GPR17: variants seen among roughly 807,000 people sequenced by gnomAD.
GPR17 encodes G protein-coupled receptor 17.
A neutral mutation model predicts 1.5 loss-of-function variants in GPR17; 4 were observed. The observed-to-expected ratio is 2.73, with a 90% CI of 1.35 to 6.25. The LOEUF is 6.25. Among genes scored for constraint, GPR17 ranks in the 30% most tolerant of loss-of-function variants. GPR17 has a pLI of 0.00. For synonymous variants in GPR17, 209 were observed against 207.6 expected (o/e 1.01, Z -0.06); for missense variants, 463 against 462.1 (o/e 1.00, Z -0.02).
chr2:127,650,363 A>G, intron 1 of GPR17: 1 of 536,012 alleles, frequency 1.9e-6, no homozygotes, highest in Admixed American at 3.5e-5. Flanking sequence ...GAGGCAGAAC[A>G]GAAAACCCAG....
rs2105242946 is a variant in GPR17, at chr2:127,647,767, C to T, written c.-21+1523C>T. 6.6e-6 allele frequency among the ~76,000 whole-genome samples: 1 copy of T among 152,220 alleles called. No individual in the cohort carries two copies. Among genetic ancestry groups the T allele is most frequent in the Admixed American group, 6.5e-5 (1 of 15,298 alleles). Reference sequence around the variant, plus strand: ...CATCTACCATGGGCTGTCCTCTCTGCTTGCCCATGCGTCTGCCCTGGAGCC... The same window carrying T: ...CATCTACCATGGGCTGTCCTCTCTGTTTGCCCATGCGTCTGCCCTGGAGCC... On this transcript the variant is annotated intron_variant, in intron 1 of 1. Coordinates refer to ENST00000486700, the MANE Select transcript of GPR17 (RefSeq NM_001161417.2). This position sits in a 1 kb window ranked among gnomAD's most constrained non-coding sequence, Gnocchi z 4.3.
rs1683860648 is a variant in GPR17, at chr2:127,652,048, G to C, written c.*293G>C. The C allele has an allele frequency of 5.0e-5, 21 of 417,850 alleles. No individual in the cohort carries two copies. In the South Asian group the frequency reaches 1.1e-3, roughly 22 times the overall value. 25.9% of individuals were successfully genotyped at this position (417,850 alleles called of 1,614,324 possible). ...CCGGAAGAACAACCCCTGAACAATG[G>C]AGGCCTTTCTTTCCCGCTAGGCTCC... On this transcript the variant is annotated 3_prime_UTR_variant, in exon 2 of 2. Coordinates refer to ENST00000486700, the MANE Select transcript of GPR17 (RefSeq NM_001161417.2).
In GPR17 at chr2:127,651,182, C is replaced by A; in HGVS notation, c.447C>A (p.His149Gln). 6.2e-7 allele frequency: 1 copy of A among 1,612,130 alleles called. No homozygotes were observed. Residue 149 changes from histidine to glutamine, a missense_variant, in exon 2 of 2, where the codon CAC (histidine) becomes CAA (glutamine). By Grantham distance (24) the His-to-Gln change is conservative (BLOSUM62 0). Transcript: ENST00000486700. ...SLKLRRPLYA[H>Q]LACAFLWVVV... ...AGCTCCGCAGGCCCCTCTACGCACA[C>A]CTGGCCTGTGCCTTCCTGTGGGTGG...
chr2:127,649,951 C>A, intron 1 of GPR17: 2 of 1,412,814 alleles, frequency 1.4e-6, no homozygotes, highest in Non-Finnish European at 2.0e-6. Context: ...GAAAATACTC[C>A]CAGCTGGCCT....
Position 127,651,771 on chromosome 2 carries a change from C to T in GPR17, c.*16C>T, listed in dbSNP as rs763077780. On this transcript the variant is annotated 3_prime_UTR_variant, in exon 2 of 2. Coordinates refer to ENST00000486700, the MANE Select transcript of GPR17 (RefSeq NM_001161417.2). ...AGAGCTGTGAGCGGGGGGCGCCGTC[C>T]AGGCCGAGCGCAGACTGTTTAGGAC... The T allele has an allele frequency of 6.2e-7, 1 of 1,607,030 alleles. No homozygotes were observed. The highest frequency in any genetic ancestry group is 1.7e-5 in the Admixed American group (1 of 59,794).
chr2:127,649,159 G>GGAAGTTAGGAAGGAAGGAAGGAAA (rs1558878236), intron 1 of GPR17, among the ~76,000 whole-genome samples: 14 of 120,820 alleles, frequency 1.2e-4, no homozygotes, highest in Middle Eastern at 3.8e-3. Context: ...GAGAGAGAGA[G>GGAAGTTAGGAAGGAAGGAAGGAAA]GAAGGTAGGA....
chr2:127,650,077 T>C, intron 1 of GPR17: 2 of 1,602,762 alleles, frequency 1.2e-6, no homozygotes, highest in Non-Finnish European at 1.7e-6. Context: ...AACTCTCAGG[T>C]GGGTAAAAAG....
At chr2:127,650,205 C>T in intron 1 of GPR17, 1 of 776,278 alleles carries the variant, frequency 1.3e-6, no homozygotes, top group Non-Finnish European at 2.1e-6. Context: ...CCGGCCACTG[C>T]ACCTGTGGGC....
rs775468465 is a variant in GPR17, at chr2:127,651,202, G to A, written c.467G>A (p.Trp156Ter). The change falls in exon 2 of 2, where the codon TGG becomes TAG. Residue 156 changes from tryptophan (W) to a stop codon, truncating the protein, a stop_gained. Coordinates refer to ENST00000486700, the MANE Select transcript of GPR17 (RefSeq NM_001161417.2). LOFTEE classifies it low-confidence loss of function (END_TRUNC). ...GCACACCTGGCCTGTGCCTTCCTGT[G>A]GGTGGTGGTGGCTGTGGCCATGGCC... ...LYAHLACAFL[W>*]VVVAVAMAPL... 4.3e-6 allele frequency: 7 copies of A among 1,610,408 alleles called. No homozygotes were observed. Among genetic ancestry groups the A allele is most frequent in the Non-Finnish European group, 5.1e-6 (6 of 1,179,716 alleles).
At position 127,650,696 on chromosome 2, in the gene GPR17, T is replaced by C. The variant is rs376540851; in HGVS notation, c.-20-20T>C. On this transcript the variant is annotated intron_variant, in intron 1 of 1. Coordinates refer to ENST00000486700, the MANE Select transcript of GPR17 (RefSeq NM_001161417.2). ...CCTAGATCGCAAGCTCATTGTGAAC[T>C]GTTTGCTTGTTCCCTCCAGGCTCTG... 5.0e-4 allele frequency: 780 copies of C among 1,562,702 alleles called. 1 individual carries two copies. Among genetic ancestry groups the C allele is most frequent in the Non-Finnish European group, 6.6e-4 (757 of 1,144,574 alleles).
At chr2:127,649,017 A>G (rs1573782880) in intron 1 of GPR17, among the ~76,000 whole-genome samples, 6 of 39,600 alleles carry the variant, frequency 1.5e-4, no homozygotes, top group Admixed American at 6.4e-4. Flanking sequence ...AAGGGGAGGG[A>G]GGGAGGAAAG....
intron 1 of GPR17, among the ~76,000 whole-genome samples, chr2:127,648,963 AGGGG>A (rs1216405916): frequency 1.6e-4 from 2 of 12,518 alleles, no homozygotes; most frequent in Admixed American, 1.0e-3. Flanking sequence ...AGGGGAGGGG[AGGGG>A]GGGAGGGGAG....
intron 1 of GPR17, chr2:127,648,110 C>T (rs1198150285): frequency 1.3e-4 from 125 of 985,428 alleles, no homozygotes; most frequent in Non-Finnish European, 1.4e-4. Context: ...CCAGCCGAGA[C>T]CAGCCAGACC....
Position 127,651,162 on chromosome 2 carries a change from C to T in GPR17, c.427C>T (p.Arg143Cys), listed in dbSNP as rs192682507. The T allele has an allele frequency of 9.9e-6, 16 of 1,612,884 alleles. No homozygotes were observed. Among genetic ancestry groups the T allele is most frequent in the African/African-American group, 6.7e-5 (5 of 75,076 alleles). Residue 143 changes from arginine (R) to cysteine (C), a missense_variant, in exon 2 of 2, where the codon CGC (arginine) becomes TGC (cysteine). Physicochemically the swap from Arg to Cys is radical, Grantham distance 180 (BLOSUM62 -3). Coordinates refer to ENST00000486700, the MANE Select transcript of GPR17 (RefSeq NM_001161417.2). ...IVHPVKSLKLRRPLYAHLACA... is the reference protein window; with the variant it reads ...IVHPVKSLKLCRPLYAHLACA... The stretch of plus-strand genomic sequence containing the variant: ...GCACCCGGTCAAGTCCCTCAAGCTC[C>T]GCAGGCCCCTCTACGCACACCTGGC...
At chr2:127,650,192 AC>A in intron 1 of GPR17, 2 of 911,468 alleles carry the variant, frequency 2.2e-6, no homozygotes, top group Non-Finnish European at 3.4e-6. Context: ...AAGCGGTGAC[AC>A]CCCGGCCACT....
intron 1 of GPR17, chr2:127,649,937 G>T: frequency 7.8e-7 from 1 of 1,274,204 alleles, no homozygotes; most frequent in Non-Finnish European, 1.1e-6. Flanking sequence ...TCTACTCTGG[G>T]AGAGAAAATA....
At position 127,651,836 on chromosome 2, in the gene GPR17, CACCTCCCCAGCA is replaced by C; in HGVS notation, c.*83_*94del. On this transcript the variant is annotated 3_prime_UTR_variant, in exon 2 of 2. Transcript: ENST00000486700. ...AAGAGGCATCTGCCCTTTCCCCAGC[CACCTCCCCAGCA>C]AGCAACCTGAAATCTCAGCAGATGC... is the stretch of plus-strand genomic sequence containing the variant. 2.2e-6 allele frequency: 3 copies of C among 1,345,956 alleles called. No individual in the cohort carries two copies. Among genetic ancestry groups the C allele is most frequent in the Non-Finnish European group, 3.1e-6 (3 of 970,534 alleles). 83.4% of individuals were successfully genotyped at this position (1,345,956 alleles called of 1,614,324 possible).
intron 1 of GPR17, among the ~76,000 whole-genome samples, chr2:127,649,157 G>GAGGAAGGTAGGAAGGA (rs1683397301): frequency 1.4e-5 from 1 of 73,862 alleles, no homozygotes; most frequent in Non-Finnish European, 3.0e-5. Context: ...GTGAGAGAGA[G>GAGGAAGGTAGGAAGGA]AGGAAGGTAG....
chr2:127,651,361 T>C lies in GPR17; in HGVS notation c.626T>C (p.Val209Ala). The change falls in exon 2 of 2, where the codon GTC becomes GCC. Residue 209 changes from valine to alanine, a missense_variant. By Grantham distance (64) the Val-to-Ala change is moderately conservative. Coordinates refer to ENST00000486700, the MANE Select transcript of GPR17 (RefSeq NM_001161417.2). ...TTCACCTTCCCGTTCATCACCACGG[T>C]CACCTGCTACCTGCTGATCATCCGC... is the stretch of plus-strand genomic sequence containing the variant. ...VAFTFPFITT[V>A]TCYLLIIRSL... 1 of 1,612,450 alleles carries C rather than the reference T, an allele frequency of 6.2e-7. No homozygotes were observed. The highest frequency in any genetic ancestry group is 8.5e-7 in the Non-Finnish European group (1 of 1,180,046).
Sources: allele counts gnomAD v4.1 joint callset (sites outside exome capture counted in the v4.1 genomes callset), GRCh38; gene constraint gnomAD v4.1.1; non-coding constraint Gnocchi (gnomAD v3.1); transcripts MANE v1.5; gene names NCBI Gene and HGNC (gene_info 2026-07-23, HGNC 2026-07-21).